The following ACYP1 variants were observed in gnomAD, a reference collection of about 807,000 sequenced individuals.
The protein encoded by ACYP1 is acylphosphatase-1.
A neutral mutation model predicts 10.4 loss-of-function variants in ACYP1; 8 were observed. The observed-to-expected ratio is 0.77, with a 90% CI of 0.45 to 1.38. The LOEUF is 1.38. ACYP1 is among the 40% of genes most tolerant of loss of function. The probability of loss-of-function intolerance (pLI) is 0.00; values close to 1 mark genes in which losing one functional copy is unlikely to be tolerated. For missense variants in ACYP1, 93 were observed against 117.3 expected, an observed-to-expected ratio of 0.79 and a Z score of 0.96; for synonymous variants, 38 against 40.8, an observed-to-expected ratio of 0.93 and a Z score of 0.26.
At chr14:75,069,392 G>T in exon 1 of ACYP1, 1 of 963,132 alleles carries the variant, frequency 1.0e-6, no homozygotes, top group Non-Finnish European at 1.4e-6. Flanking sequence ...AAAAGTACAA[G>T]TTCTTCTTTG....
At chr14:75,061,790 G>A in intron 2 of ACYP1, 1 of 1,517,592 alleles carries the variant, frequency 6.6e-7, no homozygotes, top group Non-Finnish European at 9.0e-7. Flanking sequence ...GGGAAGAAAT[G>A]ATTTTTGAAT....
At chr14:75,055,309 G>A (rs939579236) in intron 2 of ACYP1, among the ~76,000 whole-genome samples, 3 of 150,810 alleles carry the variant, frequency 2.0e-5, no homozygotes, top group Non-Finnish European at 4.4e-5. Context: ...GGATGGTCTC[G>A]ATCTCCTGAC....
Position 75,064,001 on chromosome 14 carries a change from C to A in ACYP1, c.-56G>T, listed in dbSNP as rs1213036553. The A allele has an allele frequency of 3.0e-6, 3 of 989,794 alleles. No homozygotes were observed. Among genetic ancestry groups the A allele is most frequent in the Non-Finnish European group, 3.6e-6 (3 of 832,284 alleles). The allele number at this position is 989,794 out of a possible 1,614,324, so 61.3% of individuals were successfully genotyped here. A position where few individuals can be genotyped will look rare whatever the true frequency, so the allele number is the denominator to read the frequency against. On this transcript the variant is annotated 5_prime_UTR_variant, in exon 1 of 3. Coordinates refer to ENST00000238618, the MANE Select transcript of ACYP1 (RefSeq NM_001107.5). ...TGCCAGGATCACTCCGGGACCACCA[C>A]GCCAACGGCTCACCAAGGCGCGCAA...
chr14:75,063,938 G>A lies in ACYP1; in HGVS notation c.-9+16C>T, dbSNP rs1240679239. The A allele has an allele frequency of 3.0e-6, 3 of 1,000,542 alleles. No homozygotes were observed. Among genetic ancestry groups the A allele is most frequent in the African/African-American group, 1.7e-5 (1 of 57,894 alleles). 62.0% of individuals were successfully genotyped at this position (1,000,542 alleles called of 1,614,324 possible). Reference sequence around the variant, plus strand: ...TCGACCTGAGAAGCACACCCTGGGGGCCCCTGGCGGCTCACCCTCCTTGTC... The same window carrying A: ...TCGACCTGAGAAGCACACCCTGGGGACCCCTGGCGGCTCACCCTCCTTGTC... On this transcript the variant is annotated intron_variant, in intron 1 of 2. Coordinates refer to ENST00000238618, the MANE Select transcript of ACYP1 (RefSeq NM_001107.5).
intron 2 of ACYP1, among the ~76,000 whole-genome samples, chr14:75,060,627 C>T (rs184470311): frequency 1.2e-4 from 18 of 152,118 alleles, no homozygotes; most frequent in Non-Finnish European, 2.4e-4. Flanking sequence ...TGTGGTATAT[C>T]CATACAATGG....
intron 2 of ACYP1, among the ~76,000 whole-genome samples, chr14:75,060,782 T>C (rs1892994561): frequency 6.6e-6 from 1 of 152,142 alleles, no homozygotes; most frequent in Non-Finnish European, 1.5e-5. Flanking sequence ...ATATCAAGAA[T>C]AGGCTGAACA....
upstream of ACYP1, among the ~76,000 whole-genome samples, chr14:75,068,064 C>T (rs181058215): frequency 3.0e-4 from 45 of 151,788 alleles, 1 homozygote; most frequent in East Asian, 8.5e-3. Flanking sequence ...CTGAGACAGG[C>T]GGATCACCTG....
chr14:75,062,116 A>AAAAAG (rs1893035168), intron 2 of ACYP1, among the ~76,000 whole-genome samples: 2 of 149,750 alleles, frequency 1.3e-5, no homozygotes, highest in African/African-American at 2.5e-5. Flanking sequence ...AAAAAAAAAA[A>AAAAAG]AAAAAAAAGA....
At chr14:75,056,989 T>C (rs1892892630) in intron 2 of ACYP1, among the ~76,000 whole-genome samples, 1 of 151,512 alleles carries the variant, frequency 6.6e-6, no homozygotes, top group Admixed American at 6.6e-5. Flanking sequence ...ACCACTCTAC[T>C]CAATATTATA....
At chr14:75,059,741 A>C (rs1892971499) in intron 2 of ACYP1, 2 of 152,342 alleles carry the variant, frequency 1.3e-5, no homozygotes, top group South Asian at 4.1e-4. Flanking sequence ...AACCACACTG[A>C]AAGTATACAC....
chr14:75,058,798 T>C (rs1892946767), intron 2 of ACYP1, among the ~76,000 whole-genome samples: 1 of 146,038 alleles, frequency 6.8e-6, no homozygotes, highest in African/African-American at 2.7e-5. Context: ...CAACTGGATA[T>C]TCATATGCAA....
upstream of ACYP1, among the ~76,000 whole-genome samples, chr14:75,068,542 A>T (rs1008475811): frequency 6.6e-6 from 1 of 151,706 alleles, no homozygotes. Flanking sequence ...GAGGGAGAGG[A>T]GGAAGAAGAG....
chr14:75,062,450 T>G (rs1244946085), intron 2 of ACYP1, among the ~76,000 whole-genome samples: 1 of 151,536 alleles, frequency 6.6e-6, no homozygotes, highest in African/African-American at 2.4e-5. Context: ...CACATTCATG[T>G]TTCAAAGATT....
chr14:75,067,859 G>A (rs1446363365), upstream of ACYP1, among the ~76,000 whole-genome samples: 7 of 151,852 alleles, frequency 4.6e-5, no homozygotes, highest in East Asian at 1.3e-3. Context: ...TAAGCTGGGT[G>A]TGGGGGGCAC....
intron 2 of ACYP1, 150 bp downstream of exon 2, chr14:75,063,320 G>A: frequency 1.6e-6 from 1 of 643,576 alleles, no homozygotes; most frequent in Non-Finnish European, 2.8e-6. Flanking sequence ...CGATTGCACA[G>A]CATTTTCATA....
chr14:75,054,056 A>C (rs1485788368), intron 2 of ACYP1, among the ~76,000 whole-genome samples: 2 of 152,230 alleles, frequency 1.3e-5, no homozygotes, highest in Non-Finnish European at 2.9e-5. Context: ...AATGGAAAAA[A>C]CATGAAGTTA....
Position 75,058,393 on chromosome 14 carries a change from G to C in ACYP1, c.85-4734C>G, listed in dbSNP as rs1051505608. Reference sequence around the variant, plus strand: ...GAACCCTGGAGGCAGAGGTTGCAGTGAGCCGAGATTGTGTCACTGCACTCT... The same window carrying C: ...GAACCCTGGAGGCAGAGGTTGCAGTCAGCCGAGATTGTGTCACTGCACTCT... On this transcript the variant is annotated intron_variant, in intron 2 of 2. Transcript: ENST00000238618. 5.3e-5 allele frequency among the ~76,000 whole-genome samples: 8 copies of C among 151,332 alleles called. 2 individuals carry two copies. The highest frequency in any genetic ancestry group is 2.1e-4 in the South Asian group (1 of 4,748).
rs75569512 is a variant in ACYP1, at chr14:75,053,753, C to T, written c.85-94G>A. The T allele has an allele frequency of 2.4e-3, 2,715 of 1,153,920 alleles. 40 individuals carry two copies. The African/African-American group carries it at 0.037, about 16-fold the overall frequency. 71.5% of individuals were successfully genotyped at this position (1,153,920 alleles called of 1,614,324 possible). A position where few individuals can be genotyped will look rare whatever the true frequency, so the allele number is the denominator to read the frequency against. On this transcript the variant is annotated intron_variant, in intron 2 of 2. Coordinates refer to ENST00000238618, the MANE Select transcript of ACYP1 (RefSeq NM_001107.5). Reference sequence around the variant, plus strand: ...GCCAGAATCTTGGCCTAGAATCAAGCCACTGAAACTAATTTGATATTGCCC... The same window carrying T: ...GCCAGAATCTTGGCCTAGAATCAAGTCACTGAAACTAATTTGATATTGCCC...
intron 2 of ACYP1, among the ~76,000 whole-genome samples, chr14:75,059,465 A>G (rs1594794199): frequency 2.0e-5 from 3 of 152,350 alleles, no homozygotes. Context: ...TGACTTCATC[A>G]AAAGTAAAAA....
Sources: gnomAD v4.1 joint callset for allele counts (sites outside exome capture counted in the v4.1 genomes callset) on GRCh38, gnomAD v4.1.1 for gene constraint, MANE v1.5 for transcripts, NCBI Gene and HGNC (gene_info 2026-07-23, HGNC 2026-07-21) for gene names.